The following CAPN11 variants were observed in gnomAD, a reference collection of about 807,000 sequenced individuals.
The protein encoded by CAPN11 is calpain 11.
In CAPN11, 108 loss-of-function variants were observed where a neutral mutation model predicts 105.3. That is an observed-to-expected ratio of 1.03 (90% CI 0.88 to 1.20). The LOEUF (loss-of-function observed/expected upper bound fraction) is 1.20, where lower values mean the gene tolerates loss of function less well. Among genes scored for constraint, CAPN11 ranks in the 50% most tolerant of loss-of-function variants. CAPN11 has a pLI of 0.00. For synonymous variants in CAPN11, 329 were observed against 344.5 expected, an observed-to-expected ratio of 0.96 and a Z score of 0.50; for missense variants, 883 against 924.8, an observed-to-expected ratio of 0.95 and a Z score of 0.59.
At chr6:44,159,952 TA>T (rs1225592074) in intron 1 of CAPN11, among the ~76,000 whole-genome samples, 1 of 151,886 alleles carries the variant, frequency 6.6e-6, no homozygotes, top group African/African-American at 2.4e-5. Context: ...CTGGCCAACA[TA>T]GTGAAACCGT....
At position 44,173,082 on chromosome 6, in the gene CAPN11, T is replaced by C. The variant is rs758767166; in HGVS notation, c.662+9T>C. The C allele has an allele frequency of 1.2e-5, 19 of 1,611,852 alleles. No individual in the cohort carries two copies. The highest frequency in any genetic ancestry group is 1.6e-5 in the Non-Finnish European group (19 of 1,178,596). On this transcript the variant is annotated intron_variant, in intron 6 of 22. Coordinates refer to ENST00000398776, the MANE Select transcript of CAPN11 (RefSeq NM_007058.4). ...GAGAAGGCGTATGCCAAGTGAGTGC[T>C]GGGAGCTGAGGAAGGGGGCTTGCCT...
chr6:44,164,685 G>A (rs912735051), intron 1 of CAPN11, among the ~76,000 whole-genome samples: 4 of 152,166 alleles, frequency 2.6e-5, no homozygotes, highest in Non-Finnish European at 4.4e-5. Context: ...GTGTGAGCAT[G>A]GGATCAGGAA....
rs376687005 is a variant in CAPN11, at chr6:44,179,720, C to T, written c.1428+90C>T. ...TGGATTGGCAAAGGGTGGAATTTGG[C>T]GAGAGGCTCTGGGGGTCACTGGGTT... On this transcript the variant is annotated intron_variant, in intron 13 of 22. Transcript: ENST00000398776. The T allele has an allele frequency of 1.6e-5, 22 of 1,387,458 alleles. No homozygotes were observed. In the African/African-American group the frequency reaches 2.4e-4, roughly 15 times the overall value. 85.9% of individuals were successfully genotyped at this position (1,387,458 alleles called of 1,614,324 possible).
chr6:44,178,195 G>A (rs1772461096), intron 12 of CAPN11, among the ~76,000 whole-genome samples: 1 of 152,104 alleles, frequency 6.6e-6, no homozygotes, highest in South Asian at 2.1e-4. Context: ...ATGCCTTTAA[G>A]GAAGCGGAAG....
intron 1 of CAPN11, chr6:44,161,889 T>A (rs1169614418): frequency 4.4e-6 from 2 of 456,094 alleles, no homozygotes; most frequent in Non-Finnish European, 4.4e-6. Flanking sequence ...GTTTGCCTTA[T>A]CGTGTGAATG....
chr6:44,172,437 G>C lies in CAPN11; in HGVS notation c.528+17G>C, dbSNP rs74993668. On this transcript the variant is annotated intron_variant, in intron 5 of 22. Coordinates refer to ENST00000398776, the MANE Select transcript of CAPN11 (RefSeq NM_007058.4). ...CATTTTCAGGTGAAGGACAGTGTGA[G>C]AGCCACTGTGGCTTTGTTGGGGGCG... 101,391 of 1,445,754 alleles carry C rather than the reference G, an allele frequency of 0.07. 4,131 individuals are homozygous for C. Among genetic ancestry groups the C allele is most frequent in the African/African-American group, 0.15 (10,842 of 70,840 alleles). 89.6% of individuals were successfully genotyped at this position (1,445,754 alleles called of 1,614,324 possible). A position where few individuals can be genotyped will look rare whatever the true frequency, so the allele number is the denominator to read the frequency against.
At chr6:44,172,193 G>A (rs372532848) in intron 4 of CAPN11, 109 bp from the exon 5 acceptor site, 18 of 626,616 alleles carry the variant, frequency 2.9e-5, no homozygotes, top group African/African-American at 2.8e-4. Context: ...CCGGGGGGGT[G>A]AGAATGGGGT....
In CAPN11 at chr6:44,180,110, C is replaced by A; in HGVS notation, c.1587C>A (p.His529Gln). Reference protein sequence around the residue: ...YIIIPSTFEPHRDADFLLRVF... With the variant: ...YIIIPSTFEPQRDADFLLRVF... ...TTATTCCCTCCACCTTTGAGCCACA[C>A]AGAGATGCTGACTTCCTGCTTCGGG... Residue 529 changes from histidine to glutamine, a missense_variant, in exon 14 of 23, where the codon CAC (histidine) becomes CAA (glutamine). Coordinates refer to ENST00000398776, the MANE Select transcript of CAPN11 (RefSeq NM_007058.4). 1 of 1,613,696 alleles carries A rather than the reference C, an allele frequency of 6.2e-7. No homozygotes were observed. Among genetic ancestry groups the A allele is most frequent in the Non-Finnish European group, 8.5e-7 (1 of 1,179,778 alleles).
At chr6:44,180,257 G>T in intron 14 of CAPN11, 94 bp downstream of exon 14, 1 of 1,024,832 alleles carries the variant, frequency 9.8e-7, no homozygotes, top group South Asian at 1.5e-5. Flanking sequence ...CCCTCACTTT[G>T]TCCCTATTTT....
At chr6:44,181,503 C>T (rs112988862) in intron 19 of CAPN11, among the ~76,000 whole-genome samples, 183 bp downstream of exon 19, 3,541 of 56,960 alleles carry the variant, frequency 0.062, 267 homozygotes, top group Middle Eastern at 0.091. Context: ...CACACACACA[C>T]ACACACTCAC....
chr6:44,162,568 T>C (rs1381790828), intron 1 of CAPN11, among the ~76,000 whole-genome samples: 1 of 152,084 alleles, frequency 6.6e-6, no homozygotes, highest in Non-Finnish European at 1.5e-5. Context: ...TCTTCCCTGC[T>C]TCCCAGCCCT....
rs1284518467 is a variant in CAPN11 at position 44,183,127 on chromosome 6, C to G, written c.2026C>G (p.Leu676Val). 2 of 1,612,286 alleles carry G rather than the reference C, an allele frequency of 1.2e-6. No individual in the cohort carries two copies. Among genetic ancestry groups the G allele is most frequent in the South Asian group, 2.2e-5 (2 of 91,050 alleles). ...CTCTCTCCCTCTCTCAGGCATCAAG[C>G]TGAACAACAAGGTAATGCAGGTCCT... is the stretch of plus-strand genomic sequence containing the variant. Reference protein sequence around the residue: ...RLVIEKAGIKLNNKVMQVLVA... With the variant: ...RLVIEKAGIKVNNKVMQVLVA... Residue 676 changes from leucine (L) to valine (V), a missense_variant, in exon 21 of 23, where the codon CTG becomes GTG. Physicochemically the swap from Leu to Val is conservative, Grantham distance 32 (BLOSUM62 1). Transcript: ENST00000398776.
chr6:44,176,618 A>T lies in CAPN11; in HGVS notation c.1039A>T (p.Met347Leu). ...EWEEVASDIQ[M>L]QLLHKTEDGE... ...GGAAGAGGTGGCCTCAGACATCCAGATGCAGCTGCTGCACAAGACGGAGGA... is the reference window on the plus strand; with the variant it reads ...GGAAGAGGTGGCCTCAGACATCCAGTTGCAGCTGCTGCACAAGACGGAGGA... The change falls in exon 10 of 23, where the codon ATG becomes TTG. Residue 347 changes from methionine (M) to leucine (L), a missense_variant. By Grantham distance (15) the Met-to-Leu change is conservative. Transcript: ENST00000398776. 6.2e-7 allele frequency: 1 copy of T among 1,609,924 alleles called. No homozygotes were observed. Among genetic ancestry groups the T allele is most frequent in the African/African-American group, 1.3e-5 (1 of 74,966 alleles).
At position 44,179,634 on chromosome 6, in the gene CAPN11, C is replaced by T; in HGVS notation, c.1428+4C>T. 4 of 1,613,154 alleles carry T rather than the reference C, an allele frequency of 2.5e-6. No individual in the cohort carries two copies. Among genetic ancestry groups the T allele is most frequent in the Non-Finnish European group, 3.4e-6 (4 of 1,179,152 alleles). On this transcript the variant is annotated splice_donor_region_variant and intron_variant, in intron 13 of 22. Transcript: ENST00000398776. ...CCCTTCCCAGGTCCCAAAAGAGGTA[C>T]AGAAGATAAAGATGTGGGGCTTGTT...
chr6:44,167,480 A>G (rs946628579), intron 2 of CAPN11, among the ~76,000 whole-genome samples: 3 of 144,182 alleles, frequency 2.1e-5, no homozygotes, highest in Non-Finnish European at 4.5e-5. Context: ...GCTGAGCAAC[A>G]GAATGAGACT....
rs1011024632 is a variant in CAPN11, at chr6:44,166,788, T to G, written c.47T>G (p.Leu16Arg). 2 of 1,552,166 alleles carry G rather than the reference T, an allele frequency of 1.3e-6. No homozygotes were observed. Among genetic ancestry groups the G allele is most frequent in the Non-Finnish European group, 1.7e-6 (2 of 1,147,010 alleles). The change falls in exon 2 of 23, where the codon CTG (leucine) becomes CGG (arginine). Residue 16 changes from leucine (L) to arginine (R), a missense_variant. Coordinates refer to ENST00000398776, the MANE Select transcript of CAPN11 (RefSeq NM_007058.4). ...GPSLPESAES[L>R]DGSQEDKPRG... ...AGTCTTCCGGAGTCAGCAGAGAGCCTGGATGGATCACAGGAGGATAAGCCT... is the reference window on the plus strand; with the variant it reads ...AGTCTTCCGGAGTCAGCAGAGAGCCGGGATGGATCACAGGAGGATAAGCCT...
intron 18 of CAPN11, 117 bp downstream of exon 18, chr6:44,181,114 G>A (rs1582887710): frequency 8.2e-7 from 1 of 1,214,288 alleles, no homozygotes; most frequent in East Asian, 2.3e-5. Flanking sequence ...CTCTGGGGTA[G>A]CAGAAGATGC....
At chr6:44,169,028 T>C in intron 2 of CAPN11, 2 of 526,914 alleles carry the variant, frequency 3.8e-6, no homozygotes, top group South Asian at 3.1e-5. Flanking sequence ...ACTCCAGGGC[T>C]CAGGTGATCC....
chr6:44,180,596 G>C lies in CAPN11; in HGVS notation c.1681-1G>C. 7.4e-6 allele frequency: 12 copies of C among 1,613,836 alleles called. No homozygotes were observed. The highest frequency in any genetic ancestry group is 1.0e-5 in the Non-Finnish European group (12 of 1,179,840). The stretch of plus-strand genomic sequence containing the variant: ...TCCCTTTCCTGCTCCCCGGCCCCCA[G>C]GAAAAGGTCTCTGAGGATGACATGG... On this transcript the variant is annotated splice_acceptor_variant, in intron 15 of 22. Transcript: ENST00000398776. LOFTEE classifies it high-confidence loss of function.
Sources: gnomAD v4.1 joint callset for allele counts (sites outside exome capture counted in the v4.1 genomes callset) on GRCh38, gnomAD v4.1.1 for gene constraint, MANE v1.5 for transcripts, NCBI Gene and HGNC (gene_info 2026-07-23, HGNC 2026-07-21) for gene names.